SENP7: variants seen among roughly 807,000 people sequenced by gnomAD.
SENP7 encodes SUMO specific peptidase 7.
Under a neutral mutation model 141.2 loss-of-function variants are expected in SENP7, and 64 were observed. That is an observed-to-expected ratio of 0.45 (90% confidence interval 0.37 to 0.56). The LOEUF is 0.56. SENP7 is among the 20% of genes least tolerant of loss of function. SENP7 has a pLI of 0.00. For missense variants in SENP7, 1,025 were observed against 1,212.2 expected (o/e 0.85, Z 2.29); for synonymous variants, 382 against 426.4 (o/e 0.90, Z 1.28).
At chr3:101,374,028 T>C (rs544465675) in intron 6 of SENP7, among the ~76,000 whole-genome samples, 1 of 152,304 alleles carries the variant, frequency 6.6e-6, no homozygotes, top group Admixed American at 6.5e-5. Flanking sequence ...TTCTAAGAAT[T>C]TTTTTAAATA....
chr3:101,513,108 C>T lies in SENP7; in HGVS notation c.23G>A (p.Arg8Gln). 1 of 1,612,180 alleles carries T rather than the reference C, an allele frequency of 6.2e-7. No individual in the cohort carries two copies. The highest frequency in any genetic ancestry group is 8.5e-7 in the Non-Finnish European group (1 of 1,179,218). The change falls in exon 1 of 24, where the codon CGA becomes CAA. Residue 8 changes from arginine to glutamine, a missense_variant. This residue lies in a region of SENP7 where 496 missense variants were observed against 503.5 expected (regional missense o/e 0.99). Transcript: ENST00000394095. MDKRKLG[R>Q]RPSSSEIITE... ...TTTCTCACCGGATGAAGATGGCCGTCGCCCGAGCTTTCTCTTGTCCATCTT... is the reference window on the plus strand; with the variant it reads ...TTTCTCACCGGATGAAGATGGCCGTTGCCCGAGCTTTCTCTTGTCCATCTT...
intron 13 of SENP7, chr3:101,347,226 A>G (rs2059486947): frequency 6.6e-6 from 1 of 152,182 alleles, no homozygotes; most frequent in Non-Finnish European, 1.5e-5. Flanking sequence ...TGTCTCAAAC[A>G]AAAAGAAAAA....
At chr3:101,438,580 G>A (rs2062480325) in intron 4 of SENP7, among the ~76,000 whole-genome samples, 1 of 152,188 alleles carries the variant, frequency 6.6e-6, no homozygotes. Context: ...TATGTTAAGT[G>A]TATTTTACTA....
chr3:101,426,782 TAAG>T (rs1445830274), intron 4 of SENP7, among the ~76,000 whole-genome samples: 3 of 152,176 alleles, frequency 2.0e-5, no homozygotes, highest in Admixed American at 6.5e-5. Context: ...GCACCCAGCC[TAAG>T]AAGATTCTTT....
intron 4 of SENP7, among the ~76,000 whole-genome samples, chr3:101,448,888 C>T (rs550065733): frequency 2.6e-5 from 4 of 152,110 alleles, no homozygotes; most frequent in Admixed American, 6.5e-5. Context: ...ATGACTTTGA[C>T]GAGTTGAGAG....
chr3:101,399,850 T>C (rs2061081937), intron 5 of SENP7, among the ~76,000 whole-genome samples: 1 of 152,278 alleles, frequency 6.6e-6, no homozygotes, highest in Admixed American at 6.5e-5. Flanking sequence ...GGTTTCAAAC[T>C]CCTGGGCTCA....
intron 6 of SENP7, among the ~76,000 whole-genome samples, chr3:101,384,573 A>G (rs976881680): frequency 1.3e-5 from 2 of 152,152 alleles, no homozygotes; most frequent in African/African-American, 4.8e-5. Flanking sequence ...CCGTGCCAGC[A>G]CCTGGAGCTG....
intron 5 of SENP7, among the ~76,000 whole-genome samples, chr3:101,415,972 A>AACG (rs2061608819): frequency 6.6e-6 from 1 of 151,910 alleles, no homozygotes; most frequent in Non-Finnish European, 1.5e-5. Flanking sequence ...ATATATGTTA[A>AACG]ATGACTGGAT....
intron 3 of SENP7, among the ~76,000 whole-genome samples, chr3:101,463,402 T>C (rs1050381542): frequency 1.8e-4 from 18 of 101,250 alleles, no homozygotes; most frequent in South Asian, 6.2e-4. Flanking sequence ...TATATACATA[T>C]ATATATATAT....
chr3:101,472,502 G>A lies in SENP7; in HGVS notation c.187-13450C>T, dbSNP rs546809143. ...AACATCACACACTGGGACCTGTCGC[G>A]GGGTGGGGAGCTGGGGGAGGGATAG... On this transcript the variant is annotated intron_variant, in intron 3 of 23. Transcript: ENST00000394095. Among the ~76,000 whole-genome samples, 14 of 152,212 alleles carry A rather than the reference G, an allele frequency of 9.2e-5. No homozygotes were observed. In the South Asian group the frequency reaches 1.7e-3, roughly 18 times the overall value.
intron 4 of SENP7, among the ~76,000 whole-genome samples, chr3:101,440,596 A>AAAAAC (rs2062629452): frequency 6.6e-6 from 1 of 151,120 alleles, no homozygotes; most frequent in South Asian, 2.1e-4. Flanking sequence ...AAAAAAAAAA[A>AAAAAC]AGAATGAGTA....
chr3:101,506,585 C>T (rs1051162162), intron 1 of SENP7, among the ~76,000 whole-genome samples: 2 of 151,920 alleles, frequency 1.3e-5, no homozygotes, highest in Non-Finnish European at 2.9e-5. Flanking sequence ...AATGACAGTC[C>T]CTGTCACAGT....
intron 2 of SENP7, among the ~76,000 whole-genome samples, chr3:101,499,757 G>A (rs1469035552): frequency 6.6e-6 from 1 of 151,788 alleles, no homozygotes; most frequent in Non-Finnish European, 1.5e-5. Context: ...GGATGGTCTC[G>A]ATCTCCTGAC....
chr3:101,442,997 T>C (rs901048585), intron 4 of SENP7, among the ~76,000 whole-genome samples: 5 of 152,258 alleles, frequency 3.3e-5, no homozygotes, highest in African/African-American at 1.2e-4. Flanking sequence ...CCATTGCTTT[T>C]GGTGTTTTAG....
chr3:101,380,930 G>A (rs2060485053), intron 6 of SENP7, among the ~76,000 whole-genome samples: 1 of 151,998 alleles, frequency 6.6e-6, no homozygotes, highest in South Asian at 2.1e-4. Context: ...AAATACATAA[G>A]TAAAACTGGA....
chr3:101,398,400 C>T (rs576249773), intron 6 of SENP7, among the ~76,000 whole-genome samples: 24 of 152,250 alleles, frequency 1.6e-4, no homozygotes, highest in African/African-American at 5.8e-4. Context: ...GCAGAGGTTG[C>T]AGTGAGCCGA....
Position 101,327,717 on chromosome 3 carries a change from ATTGTCCTGTT to A in SENP7, c.2954_2963del (p.Lys985IlefsTer38). ...ATAAATATACTCCACAATCACTGCTATTGTCCTGTTTAGGAACTTTAGGGCATAGATCCAC... is the reference window on the plus strand; with the variant it reads ...ATAAATATACTCCACAATCACTGCTATAGGAACTTTAGGGCATAGATCCAC... On this transcript the variant is annotated frameshift_variant, in exon 23 of 24. Transcript: ENST00000394095. LOFTEE classifies it high-confidence loss of function. 1 of 1,611,758 alleles carries A rather than the reference ATTGTCCTGTT, an allele frequency of 6.2e-7. No homozygotes were observed. Among genetic ancestry groups the A allele is most frequent in the Non-Finnish European group, 8.5e-7 (1 of 1,178,686 alleles).
intron 6 of SENP7, among the ~76,000 whole-genome samples, chr3:101,381,518 CA>C (rs746975615): frequency 9.9e-5 from 15 of 152,014 alleles, no homozygotes; most frequent in Non-Finnish European, 1.8e-4. Context: ...TGGGTAATAT[CA>C]ATTTCATACT....
intron 3 of SENP7, among the ~76,000 whole-genome samples, chr3:101,485,429 A>G (rs1448649469): frequency 1.3e-5 from 2 of 152,148 alleles, no homozygotes; most frequent in Non-Finnish European, 2.9e-5. Flanking sequence ...GACTCACATC[A>G]CAGGACTCTG....
Sources: gnomAD v4.1 joint callset for allele counts (sites outside exome capture counted in the v4.1 genomes callset) on GRCh38, gnomAD v4.1.1 for gene constraint, gnomAD v4.1.1 regional missense constraint, MANE v1.5 for transcripts, NCBI Gene and HGNC (gene_info 2026-07-23, HGNC 2026-07-21) for gene names.